The following ARHGEF38 variants were observed in gnomAD, a reference collection of about 807,000 sequenced individuals.
ARHGEF38 encodes Rho guanine nucleotide exchange factor 38.
Under a neutral mutation model 79.9 loss-of-function variants are expected in ARHGEF38, and 79 were observed. The observed-to-expected ratio is 0.99, with a 90% CI of 0.82 to 1.19. The LOEUF (loss-of-function observed/expected upper bound fraction) is 1.19. Among genes scored for constraint, ARHGEF38 ranks in the 50% most tolerant of loss-of-function variants. The probability of loss-of-function intolerance (pLI) is 0.00; values close to 1 mark genes in which losing one functional copy is unlikely to be tolerated. For missense variants in ARHGEF38, 962 were observed against 907.2 expected, an observed-to-expected ratio of 1.06 and a Z score of -0.78; for synonymous variants, 366 against 328.3, an observed-to-expected ratio of 1.11 and a Z score of -1.24.
At chr4:105,630,699 G>A (rs1404745732) in intron 3 of ARHGEF38, among the ~76,000 whole-genome samples, 199 bp from the exon 4 acceptor site, 1 of 152,000 alleles carries the variant, frequency 6.6e-6, no homozygotes, top group African/African-American at 2.4e-5. Context: ...AAGGAGCAAA[G>A]AAGGAAAGCA....
intron 5 of ARHGEF38, among the ~76,000 whole-genome samples, chr4:105,640,959 T>A (rs1729593533): frequency 6.6e-6 from 1 of 152,126 alleles, no homozygotes; most frequent in Non-Finnish European, 1.5e-5. Flanking sequence ...AAGGTGTGAC[T>A]CCATTTCTTC....
chr4:105,667,241 T>A lies in ARHGEF38; in HGVS notation c.1802T>A (p.Ile601Asn). The stretch of plus-strand genomic sequence containing the variant: ...TGCAATGCTACACAAGAATATGACA[T>A]CAATCTTCTGGAAGGAGACTTGGTG... ...RKCNATQEYD[I>N]NLLEGDLVAV... The change falls in exon 12 of 14, where the codon ATC (isoleucine) becomes AAC (asparagine). Residue 601 changes from isoleucine to asparagine, a missense_variant. Transcript: ENST00000420470. 1 of 1,536,130 alleles carries A rather than the reference T, an allele frequency of 6.5e-7. No individual in the cohort carries two copies. The highest frequency in any genetic ancestry group is 8.7e-7 in the Non-Finnish European group (1 of 1,146,912).
intron 2 of ARHGEF38, 53 bp downstream of exon 2, chr4:105,589,488 C>T: frequency 6.7e-7 from 1 of 1,491,338 alleles, no homozygotes; most frequent in Non-Finnish European, 9.0e-7. Flanking sequence ...AATAGGATCA[C>T]TAGCACCATG....
rs527343877 is a variant in ARHGEF38, at chr4:105,610,208, G to A, written c.385-3176G>A. ...AACAACACACACTAGGGCTGATTAG[G>A]GGGTGGGTTGGGAGAGGAGGGAACT... On this transcript the variant is annotated intron_variant, in intron 2 of 13. Transcript: ENST00000420470. 3.3e-5 allele frequency among the ~76,000 whole-genome samples: 5 copies of A among 152,084 alleles called. No individual in the cohort carries two copies. The East Asian group carries it at 9.7e-4, about 29-fold the overall frequency.
Position 105,601,845 on chromosome 4 carries a change from C to T in ARHGEF38, c.385-11539C>T, listed in dbSNP as rs76127622. 4.7e-3 allele frequency among the ~76,000 whole-genome samples: 722 copies of T among 152,248 alleles called. 10 individuals carry two copies. Among genetic ancestry groups the T allele is most frequent in the African/African-American group, 0.016 (685 of 41,558 alleles). On this transcript the variant is annotated intron_variant, in intron 2 of 13. Coordinates refer to ENST00000420470, the MANE Select transcript of ARHGEF38 (RefSeq NM_001242729.2). The stretch of plus-strand genomic sequence containing the variant: ...CTGCAGCCTCCCCAAAATTCCGTAT[C>T]TTCCTTTTGCTGTTTTTGTTTTATC...
intron 1 of ARHGEF38, among the ~76,000 whole-genome samples, chr4:105,582,148 G>A (rs1726824550): frequency 8.5e-6 from 1 of 118,144 alleles, no homozygotes; most frequent in Non-Finnish European, 1.6e-5. Flanking sequence ...CTGGGCGACA[G>A]AGCTAGACTC....
intron 6 of ARHGEF38, 78 bp from the exon 7 acceptor site, chr4:105,648,471 G>A (rs56849622): frequency 0.093 from 118,188 of 1,270,650 alleles, 7,692 homozygotes; most frequent in African/African-American, 0.31. Flanking sequence ...ATAAATACTC[G>A]TCTTGAAAAC....
Position 105,680,426 on chromosome 4 carries a change from G to A in ARHGEF38, c.*2489G>A, listed in dbSNP as rs1018273652. 2.3e-5 allele frequency: 4 copies of A among 172,862 alleles called. No homozygotes were observed. The highest frequency in any genetic ancestry group is 9.5e-5 in the African/African-American group (4 of 41,928). 10.7% of individuals were successfully genotyped at this position (172,862 alleles called of 1,614,324 possible). A position where few individuals can be genotyped will look rare whatever the true frequency, so the allele number is the denominator to read the frequency against. On this transcript the variant is annotated 3_prime_UTR_variant, in exon 14 of 14. Transcript: ENST00000420470. ...ATACAATGCTGTGCAAGACAAACAA[G>A]ATCCCTCCATTCATACCACTTAAAT...
At chr4:105,556,723 T>C (rs2110387939) in intron 1 of ARHGEF38, among the ~76,000 whole-genome samples, 1 of 152,158 alleles carries the variant, frequency 6.6e-6, no homozygotes, top group African/African-American at 2.4e-5. Flanking sequence ...AAACACTCAG[T>C]AACTGTTAAA....
At position 105,667,470 on chromosome 4, in the gene ARHGEF38, T is replaced by A; in HGVS notation, c.1915T>A (p.Phe639Ile). 2 of 1,536,270 alleles carry A rather than the reference T, an allele frequency of 1.3e-6. No homozygotes were observed. Among genetic ancestry groups the A allele is most frequent in the South Asian group, 2.4e-5 (2 of 84,064 alleles). ...GNVKGYVYSS[F>I]LKPYNPAKMQ... Reference sequence around the variant, plus strand: ...TGTGAAAGGATATGTTTATTCCTCCTTCCTAAAACCCTACAATCCAGCAAA... The same window carrying A: ...TGTGAAAGGATATGTTTATTCCTCCATCCTAAAACCCTACAATCCAGCAAA... Residue 639 changes from phenylalanine (F) to isoleucine (I), a missense_variant, in exon 13 of 14, where the codon TTC becomes ATC. Coordinates refer to ENST00000420470, the MANE Select transcript of ARHGEF38 (RefSeq NM_001242729.2).
chr4:105,566,997 C>A (rs1725954376), intron 1 of ARHGEF38, among the ~76,000 whole-genome samples: 1 of 152,220 alleles, frequency 6.6e-6, no homozygotes, highest in African/African-American at 2.4e-5. Context: ...AGGTGATCCT[C>A]CTGCCTTGGC....
chr4:105,643,215 G>T (rs1270663838), intron 5 of ARHGEF38, among the ~76,000 whole-genome samples: 2 of 150,832 alleles, frequency 1.3e-5, no homozygotes, highest in Non-Finnish European at 1.5e-5. Context: ...TCACTCAGTC[G>T]TCTTGGAAAC....
At chr4:105,631,231 T>A (rs1055350198) in intron 4 of ARHGEF38, 186 bp downstream of exon 4, 71 of 1,248,488 alleles carry the variant, frequency 5.7e-5, no homozygotes, top group Non-Finnish European at 6.4e-5. Flanking sequence ...TTTTTCCCCC[T>A]GCGAGAATGA....
intron 1 of ARHGEF38, among the ~76,000 whole-genome samples, chr4:105,558,547 G>A (rs527544599): frequency 5.9e-5 from 9 of 152,254 alleles, no homozygotes; most frequent in Admixed American, 5.2e-4. Context: ...AAGGCAAGAC[G>A]CTTTAAAAAC....
chr4:105,558,709 C>G (rs1725369149), intron 1 of ARHGEF38, among the ~76,000 whole-genome samples: 1 of 152,066 alleles, frequency 6.6e-6, no homozygotes, highest in Non-Finnish European at 1.5e-5. Flanking sequence ...ACTGTTTGAG[C>G]TATTCTACTA....
chr4:105,553,086 A>G (rs574113773), intron 1 of ARHGEF38, 125 bp downstream of exon 1: 2 of 691,262 alleles, frequency 2.9e-6, no homozygotes, highest in Non-Finnish European at 2.3e-6. Context: ...CCTTCCCACA[A>G]AATAAGAAGA....
intron 1 of ARHGEF38, among the ~76,000 whole-genome samples, chr4:105,567,217 A>G (rs896885200): frequency 5.9e-5 from 9 of 152,168 alleles, no homozygotes; most frequent in African/African-American, 2.2e-4. Context: ...TTATGGCTGA[A>G]TAGTAAGTAC....
At chr4:105,593,640 T>C (rs10020712) in intron 2 of ARHGEF38, among the ~76,000 whole-genome samples, 41,747 of 152,160 alleles carry the variant, frequency 0.27, 6,430 homozygotes, top group African/African-American at 0.41. Flanking sequence ...TAAGTTTACC[T>C]TATATGAAAA....
intron 7 of ARHGEF38, among the ~76,000 whole-genome samples, chr4:105,652,579 G>A (rs959636044): frequency 6.6e-6 from 1 of 152,160 alleles, no homozygotes; most frequent in African/African-American, 2.4e-5. Context: ...AAACAGCATG[G>A]AAAAGTCTTG....
Sources: allele counts gnomAD v4.1 joint callset (sites outside exome capture counted in the v4.1 genomes callset), GRCh38; gene constraint gnomAD v4.1.1; transcripts MANE v1.5; gene names NCBI Gene and HGNC (gene_info 2026-07-23, HGNC 2026-07-21).